Variants in AP3D1 observed in about 807,000 individuals in gnomAD.
The protein encoded by AP3D1 is AP-3 complex subunit delta-1.
In AP3D1, 51 loss-of-function variants were observed where a neutral mutation model predicts 147.6. That is an observed-to-expected ratio of 0.35 (90% confidence interval 0.28 to 0.44). The LOEUF (loss-of-function observed/expected upper bound fraction) is 0.44, where lower values mean the gene tolerates loss of function less well. AP3D1 is among the 20% of genes least tolerant of loss of function. AP3D1 has a pLI of 1.00. For synonymous variants in AP3D1, 760 were observed against 663.0 expected, an observed-to-expected ratio of 1.15 and a Z score of -2.25; for missense variants, 1,421 against 1,624.2, an observed-to-expected ratio of 0.87 and a Z score of 2.15.
intron 14 of AP3D1, among the ~76,000 whole-genome samples, chr19:2,119,891 G>A (rs1370992389): frequency 2.6e-5 from 4 of 152,060 alleles, no homozygotes; most frequent in East Asian, 1.9e-4. Flanking sequence ...GCAGTGAGCC[G>A]AGATCACGCC....
chr19:2,128,894 GCCGGCCCGCCCCCGCCGCT>G (rs1430568494), intron 8 of AP3D1, among the ~76,000 whole-genome samples, 177 bp downstream of exon 8: 2 of 90 alleles, frequency 0.022, 1 homozygote, highest in African/African-American at 0.083. Flanking sequence ...ACCCCGTGGA[GCCGGCCCGCCCCCGCCGCT>G]CCAACACTGC....
intron 6 of AP3D1, 96 bp downstream of exon 6, chr19:2,130,312 T>A (rs1372148620): frequency 6.5e-7 from 1 of 1,548,166 alleles, no homozygotes; most frequent in African/African-American, 1.4e-5. Flanking sequence ...CCTTCACCAC[T>A]CCCCGCAGCA....
At chr19:2,134,499 G>A (rs2019028072) in intron 4 of AP3D1, among the ~76,000 whole-genome samples, 2 of 151,508 alleles carry the variant, frequency 1.3e-5, no homozygotes. Flanking sequence ...CACTTTGGGA[G>A]GCCGAGGCAG....
At chr19:2,126,694 G>A (rs889164379) in intron 9 of AP3D1, among the ~76,000 whole-genome samples, 12 of 150,192 alleles carry the variant, frequency 8.0e-5, no homozygotes, top group Non-Finnish European at 1.5e-5. Context: ...AAATATTTTT[G>A]TGGTAGATGC....
chr19:2,148,604 C>T (rs953570395), intron 1 of AP3D1, among the ~76,000 whole-genome samples: 2 of 152,248 alleles, frequency 1.3e-5, no homozygotes, highest in Non-Finnish European at 2.9e-5. Flanking sequence ...GTCACTGCAG[C>T]ATCCTCCGCA....
Position 2,141,374 on chromosome 19 carries a change from C to T in AP3D1, c.97-2660G>A, listed in dbSNP as rs555495102. ...GCGTATTTCCTTTATACACTAAGTC[C>T]TCAGGACTGCAGTAAGACAGGCCAT... is the stretch of plus-strand genomic sequence containing the variant. On this transcript the variant is annotated intron_variant, in intron 1 of 31. Transcript: ENST00000643116. 1.1e-4 allele frequency among the ~76,000 whole-genome samples: 17 copies of T among 151,458 alleles called. No individual in the cohort carries two copies. The Admixed American group carries it at 1.1e-3, about 10-fold the overall frequency.
intron 1 of AP3D1, among the ~76,000 whole-genome samples, chr19:2,145,675 A>G (rs2019337731): frequency 6.6e-6 from 1 of 151,866 alleles, no homozygotes; most frequent in Non-Finnish European, 1.5e-5. Flanking sequence ...AGTGAGCATC[A>G]CCCAGAAGCT....
At chr19:2,107,173 T>C (rs917924424) in intron 31 of AP3D1, among the ~76,000 whole-genome samples, 6 of 148,750 alleles carry the variant, frequency 4.0e-5, no homozygotes, top group South Asian at 2.1e-4. Context: ...TGAGGCAGAA[T>C]GGCATGAGCC....
rs766004369 is a variant in AP3D1 at position 2,114,165 on chromosome 19, T to C, written c.2561A>G (p.Lys854Arg). The C allele has an allele frequency of 2.1e-5, 34 of 1,581,462 alleles. No individual in the cohort carries two copies. The East Asian group carries it at 5.5e-4, about 26-fold the overall frequency. ...PKKKEKKHKE[K>R]ERDKEKKKEK... Reference sequence around the variant, plus strand: ...CTTCTTCTTCTCCTTGTCTCTCTCTTTCTCTTTGTGTTTTTTCTCTTTCTT... The same window carrying C: ...CTTCTTCTTCTCCTTGTCTCTCTCTCTCTCTTTGTGTTTTTTCTCTTTCTT... The change falls in exon 22 of 32, where the codon AAA becomes AGA. Residue 854 changes from lysine (K) to arginine (R), a missense_variant. Physicochemically the swap from Lys to Arg is conservative, Grantham distance 26. Coordinates refer to ENST00000643116, the MANE Select transcript of AP3D1 (RefSeq NM_001261826.3).
At position 2,151,509 on chromosome 19, in the gene AP3D1, T is replaced by C. The variant is rs1274614099; in HGVS notation, c.-175A>G. 5.4e-6 allele frequency: 1 copy of C among 186,586 alleles called. No individual in the cohort carries two copies. Among genetic ancestry groups the C allele is most frequent in the East Asian group, 1.8e-4 (1 of 5,556 alleles). 11.6% of individuals were successfully genotyped at this position (186,586 alleles called of 1,614,324 possible). On this transcript the variant is annotated 5_prime_UTR_variant, in exon 1 of 32. Coordinates refer to ENST00000643116, the MANE Select transcript of AP3D1 (RefSeq NM_001261826.3). The stretch of plus-strand genomic sequence containing the variant: ...GACCGCGGCAGAGGCGGCGACCCGC[T>C]CGGCAGGTGCCGCGATCCCGCTCCG...
At chr19:2,120,735 A>G in intron 14 of AP3D1, 127 bp downstream of exon 14, 1 of 892,874 alleles carries the variant, frequency 1.1e-6, no homozygotes, top group Admixed American at 2.2e-5. Flanking sequence ...AAACCCACGG[A>G]CCTGCAAGAC....
intron 14 of AP3D1, among the ~76,000 whole-genome samples, chr19:2,119,346 C>A (rs1051919863): frequency 6.6e-6 from 1 of 152,194 alleles, no homozygotes; most frequent in African/African-American, 2.4e-5. Context: ...ATCACGAGGT[C>A]AGGAGTTTGA....
chr19:2,143,880 G>C (rs1424763478), intron 1 of AP3D1, among the ~76,000 whole-genome samples: 1 of 152,076 alleles, frequency 6.6e-6, no homozygotes, highest in Non-Finnish European at 1.5e-5. Flanking sequence ...CTGAGGTTGG[G>C]AGTTCGAGAC....
chr19:2,112,986 T>C lies in AP3D1; in HGVS notation c.2680-19A>G, dbSNP rs1327132916. ...GCTCCCCCTGCAGGGAGCCAGGGCT[T>C]GGGGCTCATGCTGGGCAATGAGGGG... On this transcript the variant is annotated intron_variant, in intron 23 of 31. Coordinates refer to ENST00000643116, the MANE Select transcript of AP3D1 (RefSeq NM_001261826.3). 6.3e-7 allele frequency: 1 copy of C among 1,591,196 alleles called. No homozygotes were observed.
chr19:2,144,358 C>G (rs1282890390), intron 1 of AP3D1, among the ~76,000 whole-genome samples: 1 of 152,238 alleles, frequency 6.6e-6, no homozygotes, highest in East Asian at 1.9e-4. Flanking sequence ...CACCCAGGAG[C>G]AGAGCGGCCG....
intron 9 of AP3D1, 29 bp from the exon 10 acceptor site, chr19:2,123,908 G>A (rs2018680461): frequency 3.8e-6 from 6 of 1,562,590 alleles, no homozygotes; most frequent in East Asian, 2.4e-5. Flanking sequence ...TCAGCACCAC[G>A]GTCAGCACCA....
chr19:2,130,871 C>T (rs535785863), intron 5 of AP3D1, among the ~76,000 whole-genome samples: 8 of 152,362 alleles, frequency 5.3e-5, no homozygotes, highest in South Asian at 2.1e-4. Context: ...CAGCTCCTCA[C>T]GGCTGTGCCC....
chr19:2,111,259 T>C, intron 26 of AP3D1, 26 bp downstream of exon 26: 2 of 1,613,564 alleles, frequency 1.2e-6, no homozygotes, highest in Non-Finnish European at 1.7e-6. Context: ...TGGCCCACCC[T>C]GCCCCTGGGA....
chr19:2,117,430 G>A (rs2018489602), intron 15 of AP3D1, 63 bp from the exon 16 acceptor site: 1 of 1,488,652 alleles, frequency 6.7e-7, no homozygotes, highest in African/African-American at 1.4e-5. Flanking sequence ...CACCTTCAGG[G>A]ACACGGGGTG....
Sources: allele counts gnomAD v4.1 joint callset (sites outside exome capture counted in the v4.1 genomes callset), GRCh38; gene constraint gnomAD v4.1.1; transcripts MANE v1.5; gene names NCBI Gene and HGNC (gene_info 2026-07-23, HGNC 2026-07-21).